The following TENM2 variants were observed in gnomAD, a reference collection of about 807,000 sequenced individuals.
TENM2 encodes teneurin-2.
In TENM2, 52 loss-of-function variants were observed where a neutral mutation model predicts 245.2. The observed-to-expected ratio is 0.21, with a 90% CI of 0.17 to 0.27. The LOEUF (loss-of-function observed/expected upper bound fraction) is 0.27, where lower values mean the gene tolerates loss of function less well. Among genes scored for constraint, TENM2 ranks in the 10% least tolerant of loss-of-function variants. TENM2 has a pLI of 1.00. For synonymous variants in TENM2, 1,363 were observed against 1,438.9 expected (o/e 0.95, Z 1.19); for missense variants, 3,046 against 3,666.8 (o/e 0.83, Z 4.37).
At chr5:167,355,714 A>G (rs963407834) in intron 1 of TENM2, among the ~76,000 whole-genome samples, 2 of 152,196 alleles carry the variant, frequency 1.3e-5, no homozygotes, top group Admixed American at 6.5e-5. Flanking sequence ...AATGTTTTTC[A>G]TAAAGCACCT....
intron 2 of TENM2, among the ~76,000 whole-genome samples, chr5:167,672,670 T>A (rs1756035739): frequency 6.6e-6 from 1 of 152,176 alleles, no homozygotes; most frequent in East Asian, 1.9e-4. Context: ...GATCTGAAAA[T>A]CAAACTGGGT....
At chr5:167,410,799 G>A (rs1467345567) in intron 2 of TENM2, among the ~76,000 whole-genome samples, 1 of 151,998 alleles carries the variant, frequency 6.6e-6, no homozygotes, top group East Asian at 1.9e-4. Context: ...TAAAAGAAGA[G>A]AGTTCATATA....
chr5:167,484,035 A>G (rs1321020964), intron 2 of TENM2, among the ~76,000 whole-genome samples: 1 of 152,168 alleles, frequency 6.6e-6, no homozygotes, highest in Non-Finnish European at 1.5e-5. Context: ...TGGAGGTTAC[A>G]CTACAACTAA....
the TENM2 span, among the ~76,000 whole-genome samples, chr5:167,215,213 T>C: frequency 1.1e-3 from 164 of 152,326 alleles, no homozygotes; most frequent in Admixed American, 7.1e-3. Flanking sequence ...ACAACCTTCA[T>C]TGTGCATGGA....
At chr5:168,003,347 C>CACACACACACACACACACA (rs1562038837) in intron 5 of TENM2, among the ~76,000 whole-genome samples, 1 of 51,188 alleles carries the variant, frequency 2.0e-5, no homozygotes, top group African/African-American at 7.8e-5. Context: ...ACACACACAC[C>CACACACACACACACACACA]CCCAAAGCTG....
intron 2 of TENM2, among the ~76,000 whole-genome samples, chr5:167,487,377 A>G (rs1285280074): frequency 6.6e-6 from 1 of 152,074 alleles, no homozygotes; most frequent in Non-Finnish European, 1.5e-5. Context: ...ATGTGCCCGT[A>G]TGTGTTTTCT....
intron 3 of TENM2, among the ~76,000 whole-genome samples, chr5:167,951,605 G>A (rs371379766): frequency 6.6e-6 from 1 of 152,134 alleles, no homozygotes. Flanking sequence ...CAAGGATAGA[G>A]GATTTTGTTA....
intron 1 of TENM2, among the ~76,000 whole-genome samples, chr5:167,342,803 A>G (rs1415711139): frequency 6.6e-6 from 1 of 150,830 alleles, no homozygotes; most frequent in Non-Finnish European, 1.5e-5. Flanking sequence ...CTGGGATTAC[A>G]GGCGTGAGCC....
At chr5:167,651,716 G>C (rs886991869) in intron 2 of TENM2, among the ~76,000 whole-genome samples, 1 of 152,158 alleles carries the variant, frequency 6.6e-6, no homozygotes, top group African/African-American at 2.4e-5. Context: ...TGTGTGTCCA[G>C]CTCTAACTCT....
chr5:167,007,926 A>G, the TENM2 span, among the ~76,000 whole-genome samples: 2 of 152,050 alleles, frequency 1.3e-5, no homozygotes, highest in East Asian at 3.9e-4. The surrounding 1 kb of genome is among the most constrained non-coding windows in gnomAD (Gnocchi z 4.2). Flanking sequence ...GCAGGGCTCT[A>G]TCTGGGATGA....
chr5:167,135,548 G>A, the TENM2 span, among the ~76,000 whole-genome samples: 2 of 152,222 alleles, frequency 1.3e-5, no homozygotes, highest in African/African-American at 4.8e-5. Flanking sequence ...AGGCTGAGGT[G>A]GGCAGATGAC....
At chr5:167,583,473 TACACACAC>T (rs10682735) in intron 2 of TENM2, among the ~76,000 whole-genome samples, 108 of 137,574 alleles carry the variant, frequency 7.9e-4, no homozygotes, top group African/African-American at 2.5e-3. Context: ...TGAGTATATG[TACACACAC>T]ACACACACAC....
Position 167,850,161 on chromosome 5 carries a change from A to C in TENM2, c.503-25825A>C, listed in dbSNP as rs61574327. Among the ~76,000 whole-genome samples, 686 of 152,334 alleles carry C rather than the reference A, an allele frequency of 4.5e-3. 8 individuals are homozygous for C. Among genetic ancestry groups the C allele is most frequent in the African/African-American group, 0.016 (656 of 41,572 alleles). On this transcript the variant is annotated intron_variant, in intron 2 of 28. Coordinates refer to ENST00000518659, the Ensembl canonical transcript of TENM2. ...GTCTCATGAGAAGACAAAAGACTTTAGAAGACAAAAGACATTCATATCTCC... is the reference window on the plus strand; with the variant it reads ...GTCTCATGAGAAGACAAAAGACTTTCGAAGACAAAAGACATTCATATCTCC...
intron 2 of TENM2, among the ~76,000 whole-genome samples, chr5:167,687,935 C>T (rs1044607305): frequency 4.6e-5 from 7 of 152,172 alleles, no homozygotes; most frequent in Non-Finnish European, 2.9e-5. Context: ...AGGACTTTCT[C>T]TAGAATGATA....
intron 13 of TENM2, chr5:168,185,977 T>G (rs1760389550): frequency 1.6e-5 from 1 of 64,134 alleles, no homozygotes; most frequent in Non-Finnish European, 3.1e-5. Context: ...TGAATTTATA[T>G]ATATATATAT....
At chr5:167,851,892 A>G (rs1447874325) in intron 2 of TENM2, among the ~76,000 whole-genome samples, 1 of 152,238 alleles carries the variant, frequency 6.6e-6, no homozygotes, top group African/African-American at 2.4e-5. Flanking sequence ...AGTTATATCA[A>G]TTGATACTGT....
At chr5:167,580,900 A>C (rs1775045781) in intron 2 of TENM2, among the ~76,000 whole-genome samples, 1 of 152,210 alleles carries the variant, frequency 6.6e-6, no homozygotes, top group South Asian at 2.1e-4. Context: ...GAGGCACCAG[A>C]ATTGCTTGAA....
At chr5:167,800,934 T>G (rs1765663695) in intron 2 of TENM2, among the ~76,000 whole-genome samples, 2 of 151,722 alleles carry the variant, frequency 1.3e-5, no homozygotes, top group African/African-American at 4.8e-5. Context: ...TTTCTGGAAT[T>G]TATTAGATCT....
chr5:168,007,497 C>G (rs1286025378), intron 5 of TENM2, among the ~76,000 whole-genome samples: 2 of 152,124 alleles, frequency 1.3e-5, no homozygotes, highest in Non-Finnish European at 2.9e-5. Flanking sequence ...GCTACGCCAC[C>G]CTGCACCTTG....
Sources: allele counts gnomAD v4.1 joint callset (sites outside exome capture counted in the v4.1 genomes callset), GRCh38; gene constraint gnomAD v4.1.1; non-coding constraint Gnocchi (gnomAD v3.1); transcripts MANE v1.5; gene names NCBI Gene and HGNC (gene_info 2026-07-23, HGNC 2026-07-21).